The following ST6GALNAC3 variants were observed in gnomAD, a reference collection of about 807,000 sequenced individuals.
The protein encoded by ST6GALNAC3 is ST6 N-acetylgalactosaminide alpha-2,6-sialyltransferase 3, also known as alpha-N-acetylgalactosaminide alpha-2,6-sialyltransferase 3.
ST6GALNAC3 carries 25 observed loss-of-function variants against 32.7 expected under a neutral mutation model. The ratio of observed to expected loss-of-function variants is 0.76; its 90% CI spans 0.56 to 1.07. The LOEUF (loss-of-function observed/expected upper bound fraction) is 1.07. ST6GALNAC3 is among the 50% of genes least tolerant of loss of function. ST6GALNAC3 has a pLI of 0.00. For synonymous variants in ST6GALNAC3, 129 were observed against 133.1 expected, an observed-to-expected ratio of 0.97 and a Z score of 0.21; for missense variants, 355 against 382.4, an observed-to-expected ratio of 0.93 and a Z score of 0.60.
At chr1:76,125,418 C>G (rs613909) in intron 1 of ST6GALNAC3, among the ~76,000 whole-genome samples, 9,569 of 152,224 alleles carry the variant, frequency 0.063, 351 homozygotes, top group African/African-American at 0.096. Context: ...CCTCAGCAGG[C>G]TCCTCTGGGT....
chr1:76,605,266 G>C (rs138591314), intron 3 of ST6GALNAC3, among the ~76,000 whole-genome samples: 135 of 152,232 alleles, frequency 8.9e-4, no homozygotes, highest in South Asian at 3.1e-3. Flanking sequence ...TTGCTTGTTG[G>C]ATGAAGAGGG....
At chr1:76,375,573 G>A (rs777460750) in intron 2 of ST6GALNAC3, among the ~76,000 whole-genome samples, 10 of 152,110 alleles carry the variant, frequency 6.6e-5, no homozygotes, top group Non-Finnish European at 1.2e-4. Flanking sequence ...ATGGAACAGC[G>A]TGAAGTGACT....
At chr1:76,269,774 G>T (rs141730307) in intron 1 of ST6GALNAC3, among the ~76,000 whole-genome samples, 2 of 152,310 alleles carry the variant, frequency 1.3e-5, no homozygotes, top group Non-Finnish European at 2.9e-5. Flanking sequence ...GTTATCTGAA[G>T]ACCCTGGGCT....
At chr1:76,425,448 G>A (rs1655311902) in intron 3 of ST6GALNAC3, among the ~76,000 whole-genome samples, 2 of 151,878 alleles carry the variant, frequency 1.3e-5, no homozygotes, top group African/African-American at 4.8e-5. Context: ...GTTTGAGATA[G>A]GCAGCACAGA....
intron 2 of ST6GALNAC3, among the ~76,000 whole-genome samples, chr1:76,326,618 A>G (rs547267762): frequency 6.6e-6 from 1 of 152,228 alleles, no homozygotes; most frequent in South Asian, 2.1e-4. Context: ...CATTTCAAGT[A>G]GACTTCCTGT....
chr1:76,620,923 G>T (rs893702060), intron 3 of ST6GALNAC3, among the ~76,000 whole-genome samples: 4 of 151,956 alleles, frequency 2.6e-5, no homozygotes, highest in Admixed American at 6.6e-5. Context: ...TAGAAAATCA[G>T]CATTTCCAAT....
At chr1:76,109,094 A>G (rs966086014) in intron 1 of ST6GALNAC3, among the ~76,000 whole-genome samples, 3 of 152,186 alleles carry the variant, frequency 2.0e-5, no homozygotes, top group Admixed American at 1.3e-4. Context: ...GGAATCTTAC[A>G]TAACTTGGAG....
intron 3 of ST6GALNAC3, among the ~76,000 whole-genome samples, chr1:76,582,238 T>C (rs1646901760): frequency 6.6e-6 from 1 of 152,160 alleles, no homozygotes; most frequent in South Asian, 2.1e-4. Flanking sequence ...TTTCTAATTT[T>C]TCCAGTGACA....
At chr1:76,096,251 G>A (rs554362750) in intron 1 of ST6GALNAC3, among the ~76,000 whole-genome samples, 1 of 152,158 alleles carries the variant, frequency 6.6e-6, no homozygotes, top group Admixed American at 6.5e-5. Flanking sequence ...AGAGGCAAGG[G>A]TAGAGCTTAA....
chr1:76,134,970 C>G (rs536588111), intron 1 of ST6GALNAC3, among the ~76,000 whole-genome samples: 2 of 152,222 alleles, frequency 1.3e-5, no homozygotes, highest in South Asian at 2.1e-4. Context: ...TGGTAAAACC[C>G]TATCTCTACT....
intron 1 of ST6GALNAC3, among the ~76,000 whole-genome samples, chr1:76,206,642 C>T (rs1054042480): frequency 3.3e-5 from 5 of 151,874 alleles, no homozygotes; most frequent in African/African-American, 4.8e-5. Context: ...GCAGGAGAAT[C>T]GCTTCAGGAG....
At chr1:76,539,429 G>A (rs910105076) in intron 3 of ST6GALNAC3, among the ~76,000 whole-genome samples, 1 of 152,088 alleles carries the variant, frequency 6.6e-6, no homozygotes, top group African/African-American at 2.4e-5. Flanking sequence ...GAAAACCTAG[G>A]CAATACCATT....
At chr1:76,302,730 G>A (rs545886479) in intron 1 of ST6GALNAC3, among the ~76,000 whole-genome samples, 2 of 151,860 alleles carry the variant, frequency 1.3e-5, no homozygotes, top group African/African-American at 4.8e-5. Context: ...GTAAGAAAAC[G>A]TATGCTGTGT....
At chr1:76,104,645 A>G (rs1039931210) in intron 1 of ST6GALNAC3, among the ~76,000 whole-genome samples, 9 of 150,602 alleles carry the variant, frequency 6.0e-5, no homozygotes, top group African/African-American at 2.2e-4. Context: ...GGTGTTTTAA[A>G]GCATTTAATA....
At chr1:76,624,671 A>T (rs1570476432) in intron 3 of ST6GALNAC3, among the ~76,000 whole-genome samples, 1 of 151,692 alleles carries the variant, frequency 6.6e-6, no homozygotes, top group African/African-American at 2.4e-5. Flanking sequence ...ATTCACCTTT[A>T]CCCTTAGCAC....
At chr1:76,613,060 T>C (rs1444715083) in intron 3 of ST6GALNAC3, among the ~76,000 whole-genome samples, 3 of 152,196 alleles carry the variant, frequency 2.0e-5, no homozygotes, top group African/African-American at 7.2e-5. Flanking sequence ...CCTGTGTCTG[T>C]AAGACGACTT....
intron 1 of ST6GALNAC3, among the ~76,000 whole-genome samples, chr1:76,180,631 G>A (rs1244711033): frequency 6.6e-6 from 1 of 152,142 alleles, no homozygotes; most frequent in African/African-American, 2.4e-5. Flanking sequence ...ATGAGAAGAC[G>A]AGCAGATGAG....
intron 1 of ST6GALNAC3, among the ~76,000 whole-genome samples, chr1:76,150,233 C>T (rs996467321): frequency 2.0e-5 from 3 of 152,216 alleles, no homozygotes; most frequent in African/African-American, 7.2e-5. Context: ...CCCGTCACCA[C>T]CCTGGTGGGC....
At chr1:76,547,619 C>T (rs978302608) in intron 3 of ST6GALNAC3, among the ~76,000 whole-genome samples, 5 of 152,048 alleles carry the variant, frequency 3.3e-5, no homozygotes, top group East Asian at 1.9e-4. Context: ...ACTTGGGAGG[C>T]GGAGGGGAGT....
Sources: gnomAD v4.1 joint callset for allele counts (sites outside exome capture counted in the v4.1 genomes callset) on GRCh38, gnomAD v4.1.1 for gene constraint, MANE v1.5 for transcripts, NCBI Gene and HGNC (gene_info 2026-07-23, HGNC 2026-07-21) for gene names.